Variants in ZNF235 observed in about 807,000 individuals in gnomAD.
ZNF235 encodes zfp-93.
Under a neutral mutation model 29.4 loss-of-function variants are expected in ZNF235, and 25 were observed. The observed-to-expected ratio is 0.85, with a 90% CI of 0.62 to 1.19. The LOEUF (loss-of-function observed/expected upper bound fraction) is 1.19, where lower values mean the gene tolerates loss of function less well. ZNF235 is among the 50% of genes most tolerant of loss of function. ZNF235 has a pLI of 0.00. For synonymous variants in ZNF235, 300 were observed against 295.3 expected (o/e 1.02, Z -0.16); for missense variants, 788 against 885.0 (o/e 0.89, Z 1.39).
At chr19:44,297,597 G>C (rs1975671015) in intron 4 of ZNF235, among the ~76,000 whole-genome samples, 1 of 152,008 alleles carries the variant, frequency 6.6e-6, no homozygotes, top group Admixed American at 6.6e-5. Flanking sequence ...CCGAGTAGCT[G>C]GGATTACAGG....
At position 44,288,338 on chromosome 19, in the gene ZNF235, A is replaced by C. The variant is rs372004078; in HGVS notation, c.1097T>G (p.Leu366Trp). Reference protein sequence around the residue: ...FNQSSHLYAHLPIHTGEKPYR... With the variant: ...FNQSSHLYAHWPIHTGEKPYR... ...GGGCTTCTCTCCTGTGTGAATAGGCAAATGAGCATAAAGATGTGAGCTCTG... is the reference window on the plus strand; with the variant it reads ...GGGCTTCTCTCCTGTGTGAATAGGCCAATGAGCATAAAGATGTGAGCTCTG... The change falls in exon 5 of 5, where the codon TTG becomes TGG. Residue 366 changes from leucine (L) to tryptophan (W), a missense_variant. Leu to Trp is a moderately conservative substitution (Grantham distance 61). Coordinates refer to ENST00000291182, the MANE Select transcript of ZNF235 (RefSeq NM_004234.4). The C allele has an allele frequency of 1.9e-6, 3 of 1,613,634 alleles. No homozygotes were observed. In the African/African-American group the frequency reaches 4.0e-5, roughly 22 times the overall value.
Position 44,287,777 on chromosome 19 carries a change from T to C in ZNF235, c.1658A>G (p.Asn553Ser), listed in dbSNP as rs568723266. The part of the protein sequence containing the change: ...YKCEVCGKRF[N>S]WSLNLHNHQR... ...ATGATTGTGAAGATTCAAGCTCCAA[T>C]TGAAGCGCTTCCCACACACTTCACA... Residue 553 changes from asparagine to serine, a missense_variant, in exon 5 of 5, where the codon AAT becomes AGT. Asn to Ser is a conservative substitution (Grantham distance 46, BLOSUM62 1). Coordinates refer to ENST00000291182, the MANE Select transcript of ZNF235 (RefSeq NM_004234.4). 46 of 1,611,920 alleles carry C rather than the reference T, an allele frequency of 2.9e-5. No homozygotes were observed. Among genetic ancestry groups the C allele is most frequent in the South Asian group, 1.1e-4 (10 of 90,952 alleles).
rs772793484 is a variant in ZNF235, at chr19:44,287,251, G to A, written c.2184C>T (p.Tyr728=). Residue 728 remains tyrosine (Y), a synonymous_variant, in exon 5 of 5, where the codon TAC becomes TAT. Transcript: ENST00000291182. ...TCCCTCCAGTGTGGACTCTCTGATG[G>A]TAGATGAGATGTGACCTCTGACTGA... ...KGFSQRSHLI[Y]HQRVHTGGNL 1.9e-6 allele frequency: 3 copies of A among 1,608,228 alleles called. No homozygotes were observed. Among genetic ancestry groups the A allele is most frequent in the Non-Finnish European group, 2.5e-6 (3 of 1,176,900 alleles).
intron 1 of ZNF235, chr19:44,304,756 C>T (rs1975806414): frequency 1.0e-6 from 1 of 985,360 alleles, no homozygotes; most frequent in South Asian, 4.7e-5. Context: ...GTGAGGACGG[C>T]TAGGGCAGCA....
At chr19:44,293,155 T>C (rs990837765) in intron 4 of ZNF235, among the ~76,000 whole-genome samples, 2 of 151,828 alleles carry the variant, frequency 1.3e-5, no homozygotes, top group Non-Finnish European at 2.9e-5. Flanking sequence ...TATAAAATAA[T>C]TACACAAAGA....
At chr19:44,301,669 C>T (rs1281653363) in intron 2 of ZNF235, among the ~76,000 whole-genome samples, 2 of 152,118 alleles carry the variant, frequency 1.3e-5, no homozygotes, top group Non-Finnish European at 2.9e-5. Context: ...CAGGCTTTCA[C>T]CATGTTGGCC....
In ZNF235 at chr19:44,287,181, T is replaced by G; in HGVS notation, c.*37A>C. 668 of 1,522,678 alleles carry G rather than the reference T, an allele frequency of 4.4e-4. No individual in the cohort carries two copies. The highest frequency in any genetic ancestry group is 5.4e-4 in the Non-Finnish European group (615 of 1,133,208). The allele number at this position is 1,522,678 out of a possible 1,614,324, so 94.3% of individuals were successfully genotyped here. ...GGACTTCCCAACGGAGACAAAGATG[T>G]GAGCTCTAACTGAAGGCTGAACCAC... On this transcript the variant is annotated 3_prime_UTR_variant, in exon 5 of 5. Transcript: ENST00000291182.
Position 44,287,375 on chromosome 19 carries a change from T to G in ZNF235, c.2060A>C (p.Gln687Pro). The change falls in exon 5 of 5, where the codon CAG becomes CCG. Residue 687 changes from glutamine to proline, a missense_variant. Coordinates refer to ENST00000291182, the MANE Select transcript of ZNF235 (RefSeq NM_004234.4). ...GGCCTGACTGAAGCCCTTCCCACAC[T>G]GCTGACACGTATAGGGTTTCTCTCC... ...HTGEKPYTCQ[Q>P]CGKGFSQASH... 6.2e-7 allele frequency: 1 copy of G among 1,611,934 alleles called. No homozygotes were observed. The highest frequency in any genetic ancestry group is 1.3e-5 in the African/African-American group (1 of 74,634).
At chr19:44,301,548 G>C (rs926478483) in intron 2 of ZNF235, among the ~76,000 whole-genome samples, 5 of 151,776 alleles carry the variant, frequency 3.3e-5, no homozygotes, top group South Asian at 4.2e-4. Flanking sequence ...TTGGCTCACT[G>C]CAACTTCTGC....
intron 4 of ZNF235, 52 bp downstream of exon 4, chr19:44,298,756 A>G (rs1975689596): frequency 1.5e-6 from 2 of 1,356,104 alleles, no homozygotes; most frequent in South Asian, 2.5e-5. Flanking sequence ...ATTATCCTGA[A>G]TAAAGGAAAA....
intron 2 of ZNF235, among the ~76,000 whole-genome samples, chr19:44,302,982 TTA>T (rs1302093911): frequency 1.7e-5 from 2 of 117,032 alleles, no homozygotes; most frequent in African/African-American, 9.4e-5. Flanking sequence ...ATGTATATAT[TTA>T]TATATAAATA....
In ZNF235 at chr19:44,286,667, G is replaced by A. The variant is rs190126832; in HGVS notation, c.*551C>T. On this transcript the variant is annotated 3_prime_UTR_variant, in exon 5 of 5. Transcript: ENST00000291182. ...ACTAACGTTATTAAGGCTACTTGCA[G>A]GATTCCTTTTGAATATAAATTAATA... The A allele has an allele frequency of 6.6e-6, 1 of 152,376 alleles. No homozygotes were observed. The highest frequency in any genetic ancestry group is 6.5e-5 in the Admixed American group (1 of 15,298). The allele number at this position is 152,376 out of a possible 1,614,324, so 9.4% of individuals were successfully genotyped here.
chr19:44,291,151 A>G (rs1298023787), intron 4 of ZNF235, among the ~76,000 whole-genome samples: 6 of 152,184 alleles, frequency 3.9e-5, no homozygotes, highest in African/African-American at 7.2e-5. Context: ...ACCATATTCT[A>G]GGCCATAAAA....
Position 44,288,259 on chromosome 19 carries a change from A to G in ZNF235, c.1176T>C (p.Ile392=). 3 of 1,614,040 alleles carry G rather than the reference A, an allele frequency of 1.9e-6. No individual in the cohort carries two copies. The highest frequency in any genetic ancestry group is 2.5e-6 in the Non-Finnish European group (3 of 1,180,000). ...KGFSRSTDLN[I]HCRVHTGEKP... ...TCTCTCCAGTGTGAACTCTGCAATG[A>G]ATGTTAAGATCTGTGCTACGACTGA... The change falls in exon 5 of 5, where the codon ATT becomes ATC. Residue 392 remains isoleucine (I), a synonymous_variant. Coordinates refer to ENST00000291182, the MANE Select transcript of ZNF235 (RefSeq NM_004234.4).
intron 2 of ZNF235, among the ~76,000 whole-genome samples, chr19:44,301,402 C>G (rs1253417117): frequency 6.6e-6 from 1 of 152,034 alleles, no homozygotes; most frequent in Non-Finnish European, 1.5e-5. Flanking sequence ...ATTTCTGGAG[C>G]CCTTCATCCA....
At chr19:44,298,246 G>A (rs1319933921) in intron 4 of ZNF235, among the ~76,000 whole-genome samples, 1 of 152,160 alleles carries the variant, frequency 6.6e-6, no homozygotes, top group Non-Finnish European at 1.5e-5. Flanking sequence ...GAGACAAAGG[G>A]AGGGGGAAAA....
rs1335100179 is a variant in ZNF235, at chr19:44,286,990, A to G, written c.*228T>C. 1 of 485,732 alleles carries G rather than the reference A, an allele frequency of 2.1e-6. No homozygotes were observed. The highest frequency in any genetic ancestry group is 1.9e-5 in the African/African-American group (1 of 51,604). 30.1% of individuals were successfully genotyped at this position (485,732 alleles called of 1,614,324 possible). A position where few individuals can be genotyped will look rare whatever the true frequency, so the allele number is the denominator to read the frequency against. ...GGACACCTGGTACTCTGATATAAACACTGATCATATTTACAGAACAAAGTT... is the reference window on the plus strand; with the variant it reads ...GGACACCTGGTACTCTGATATAAACGCTGATCATATTTACAGAACAAAGTT... On this transcript the variant is annotated 3_prime_UTR_variant, in exon 5 of 5. Coordinates refer to ENST00000291182, the MANE Select transcript of ZNF235 (RefSeq NM_004234.4).
chr19:44,295,447 T>TAA (rs11375617), intron 4 of ZNF235, among the ~76,000 whole-genome samples: 13 of 151,542 alleles, frequency 8.6e-5, no homozygotes, highest in South Asian at 2.1e-4. Flanking sequence ...GTAGATGACA[T>TAA]AAAAAAAATG....
At position 44,288,549 on chromosome 19, in the gene ZNF235, G is replaced by T; in HGVS notation, c.886C>A (p.His296Asn). The part of the protein sequence containing the change: ...LGKKSPACST[H>N]EKDTSYSSGI... ...GAGCTATAACTGGTGTCCTTCTCAT[G>T]TGTACTACACGCTGGAGACTTCTTT... Residue 296 changes from histidine to asparagine, a missense_variant, in exon 5 of 5, where the codon CAT (histidine) becomes AAT (asparagine). Transcript: ENST00000291182. 1 of 1,614,098 alleles carries T rather than the reference G, an allele frequency of 6.2e-7. No individual in the cohort carries two copies. The highest frequency in any genetic ancestry group is 1.1e-5 in the South Asian group (1 of 91,086).
Sources: gnomAD v4.1 joint callset for allele counts (sites outside exome capture counted in the v4.1 genomes callset) on GRCh38, gnomAD v4.1.1 for gene constraint, MANE v1.5 for transcripts, NCBI Gene and HGNC (gene_info 2026-07-23, HGNC 2026-07-21) for gene names.